AACS: variants seen among roughly 807,000 people sequenced by gnomAD.
AACS encodes the protein acetoacetate-CoA ligase.
In AACS, 69 loss-of-function variants were observed where a neutral mutation model predicts 83.1. That is an observed-to-expected ratio of 0.83 (90% CI 0.68 to 1.01). AACS has a LOEUF of 1.01. AACS is among the 50% of genes least tolerant of loss of function. The probability of loss-of-function intolerance (pLI) is 0.00; values close to 1 mark genes in which losing one functional copy is unlikely to be tolerated. For synonymous variants in AACS, 333 were observed against 343.4 expected (o/e 0.97, Z 0.33); for missense variants, 866 against 882.2 (o/e 0.98, Z 0.23).
intron 14 of AACS, among the ~76,000 whole-genome samples, chr12:125,133,758 C>G (rs945035231): frequency 6.6e-6 from 1 of 152,250 alleles, no homozygotes. Flanking sequence ...TTCCCGGGTC[C>G]TTGCTGGTGC....
chr12:125,079,894 C>G (rs771311699), intron 3 of AACS, among the ~76,000 whole-genome samples: 4 of 152,210 alleles, frequency 2.6e-5, no homozygotes, highest in Admixed American at 2.0e-4. Flanking sequence ...GCACCCACCT[C>G]TCTGCTTTCT....
At chr12:125,070,112 G>A (rs530618068) in intron 1 of AACS, among the ~76,000 whole-genome samples, 1 of 152,320 alleles carries the variant, frequency 6.6e-6, no homozygotes, top group African/African-American at 2.4e-5. Flanking sequence ...TTAAGTAAAG[G>A]TTACCAGGTG....
rs77474358 is a variant in AACS, at chr12:125,076,572, C to A, written c.319C>A (p.Arg107=). ...GCTCAACTATGCAGAAAACCTCCTG[C>A]GGCACAAAGAGAATGACAGAGTTGC... is the stretch of plus-strand genomic sequence containing the variant. The part of the protein sequence containing the change: ...SRLNYAENLL[R]HKENDRVALY... The change falls in exon 3 of 18, where the codon CGG becomes AGG. Residue 107 remains arginine (R), a synonymous_variant. Coordinates refer to ENST00000316519, the MANE Select transcript of AACS (RefSeq NM_023928.5). The A allele has an allele frequency of 4.9e-3, 7,919 of 1,614,060 alleles. 314 individuals are homozygous for A. The African/African-American group carries it at 0.088, about 18-fold the overall frequency.
chr12:125,114,128 G>A (rs1017970197), intron 8 of AACS, among the ~76,000 whole-genome samples: 11 of 151,818 alleles, frequency 7.2e-5, no homozygotes, highest in Admixed American at 4.6e-4. Flanking sequence ...TCTTTTGCTC[G>A]TTGACTCTCT....
chr12:125,115,433 T>C (rs1957037706), intron 9 of AACS, among the ~76,000 whole-genome samples: 1 of 152,120 alleles, frequency 6.6e-6, no homozygotes, highest in Non-Finnish European at 1.5e-5. Context: ...GCTAATTTTT[T>C]GTATTTTTAG....
intron 1 of AACS, among the ~76,000 whole-genome samples, chr12:125,072,714 G>T (rs998077230): frequency 6.6e-6 from 1 of 152,176 alleles, no homozygotes; most frequent in Non-Finnish European, 1.5e-5. Flanking sequence ...CCTCAGCGAG[G>T]CTGGGGTTAG....
At chr12:125,107,298 C>A (rs2297478) in intron 8 of AACS, 30 bp downstream of exon 8, 2 of 1,605,470 alleles carry the variant, frequency 1.2e-6, no homozygotes, top group Non-Finnish European at 1.7e-6. Flanking sequence ...TCTGCAGGGC[C>A]TCCTGTTGTC....
At position 125,124,870 on chromosome 12, in the gene AACS, A is replaced by G. The variant is rs1565950908; in HGVS notation, c.1187-32A>G. On this transcript the variant is annotated intron_variant, in intron 11 of 17. Transcript: ENST00000316519. ...GAGTGAGGCTTCAGGCACTGGGTTT[A>G]GTTTTAATCTTTTGGTGACTCTGCA... 1.9e-6 allele frequency: 3 copies of G among 1,614,094 alleles called. No homozygotes were observed. In the Middle Eastern group the frequency reaches 4.9e-4, roughly 266 times the overall value.
intron 1 of AACS, among the ~76,000 whole-genome samples, chr12:125,066,438 T>A (rs932044656): frequency 2.8e-5 from 4 of 143,296 alleles, no homozygotes; most frequent in Non-Finnish European, 6.0e-5. Flanking sequence ...CTCCCCTAGG[T>A]ATTCCTAGGG....
intron 17 of AACS, 147 bp from the exon 18 acceptor site, chr12:125,141,945 T>C: frequency 1.1e-6 from 1 of 949,734 alleles, no homozygotes; most frequent in Non-Finnish European, 1.6e-6. Flanking sequence ...GCAGACCTGG[T>C]GGGAAGAGGG....
intron 3 of AACS, among the ~76,000 whole-genome samples, chr12:125,080,201 G>A (rs7311550): frequency 0.15 from 23,076 of 152,064 alleles, 2,055 homozygotes; most frequent in East Asian, 0.24. Flanking sequence ...GAAGGAGAAC[G>A]AGAACGCTGC....
chr12:125,080,186 C>T (rs1956136748), intron 3 of AACS, among the ~76,000 whole-genome samples: 1 of 152,180 alleles, frequency 6.6e-6, no homozygotes, highest in African/African-American at 2.4e-5. Flanking sequence ...CTTTCGTAAT[C>T]CTGAGAAGGA....
chr12:125,080,437 G>A (rs963287507), intron 3 of AACS, among the ~76,000 whole-genome samples: 6 of 151,638 alleles, frequency 4.0e-5, no homozygotes, highest in Non-Finnish European at 5.9e-5. Flanking sequence ...CTTGTAATAC[G>A]GGTGTCTGGG....
intron 9 of AACS, among the ~76,000 whole-genome samples, chr12:125,117,289 C>T (rs1197837327): frequency 6.6e-6 from 1 of 152,060 alleles, no homozygotes; most frequent in Non-Finnish European, 1.5e-5. Flanking sequence ...TGGTGGGCAC[C>T]TGTAATCCCA....
At chr12:125,135,406 A>G (rs1302854977) in intron 16 of AACS, among the ~76,000 whole-genome samples, 1 of 151,674 alleles carries the variant, frequency 6.6e-6, no homozygotes, top group Non-Finnish European at 1.5e-5. Context: ...ACTTGTGTCT[A>G]CTCTTTATGG....
chr12:125,080,971 G>T (rs908002424), intron 3 of AACS, among the ~76,000 whole-genome samples: 1 of 151,492 alleles, frequency 6.6e-6, no homozygotes, highest in African/African-American at 2.4e-5. Context: ...GATTACAGGC[G>T]TGAGTCACCG....
At chr12:125,128,072 C>A in intron 12 of AACS, 89 bp from the exon 13 acceptor site, 1 of 932,414 alleles carries the variant, frequency 1.1e-6, no homozygotes, top group Non-Finnish European at 1.6e-6. Context: ...TATTTGTCCT[C>A]TTGGCACCTT....
intron 7 of AACS, among the ~76,000 whole-genome samples, chr12:125,105,977 CTTTG>C (rs1264168872): frequency 6.6e-6 from 1 of 152,168 alleles, no homozygotes; most frequent in African/African-American, 2.4e-5. Flanking sequence ...GAGCAGACGG[CTTTG>C]TTTGTTTCTT....
chr12:125,103,520 C>T (rs1271740471), intron 7 of AACS, among the ~76,000 whole-genome samples: 1 of 149,486 alleles, frequency 6.7e-6, no homozygotes, highest in Non-Finnish European at 1.5e-5. Flanking sequence ...TGCACAGGTG[C>T]ACATGCATGT....
Sources: gnomAD v4.1 joint callset for allele counts (sites outside exome capture counted in the v4.1 genomes callset) on GRCh38, gnomAD v4.1.1 for gene constraint, MANE v1.5 for transcripts, NCBI Gene and HGNC (gene_info 2026-07-23, HGNC 2026-07-21) for gene names.